The following MYH1 variants were observed in gnomAD, a reference collection of about 807,000 sequenced individuals.
The protein encoded by MYH1 is myosin heavy chain 1.
A neutral mutation model predicts 225.6 loss-of-function variants in MYH1; 214 were observed. The ratio of observed to expected loss-of-function variants is 0.95; its 90% CI spans 0.85 to 1.06. MYH1 has a LOEUF of 1.06. Among genes scored for constraint, MYH1 ranks in the 50% least tolerant of loss-of-function variants. The probability of loss-of-function intolerance (pLI) is 0.00; values close to 1 mark genes in which losing one functional copy is unlikely to be tolerated. For missense variants in MYH1, 2,098 were observed against 2,344.2 expected (o/e 0.89, Z 2.17); for synonymous variants, 774 against 842.3 (o/e 0.92, Z 1.40).
At position 10,504,844 on chromosome 17, in the gene MYH1, T is replaced by C; in HGVS notation, c.2657A>G (p.Gln886Arg). The change falls in exon 22 of 40, where the codon CAA becomes CGA. Residue 886 changes from glutamine (Q) to arginine (R), a missense_variant. By Grantham distance (43) the Gln-to-Arg change is conservative. Transcript: ENST00000226207. ...CTGGAGTTGCAAGTCATTTTTTTCT[T>C]GCATCAGAGTAACCATTTTTTCTTC... is the stretch of plus-strand genomic sequence containing the variant. ...ELEEKMVTLM[Q>R]EKNDLQLQVQ... 1 of 1,614,076 alleles carries C rather than the reference T, an allele frequency of 6.2e-7. No individual in the cohort carries two copies. The highest frequency in any genetic ancestry group is 1.1e-5 in the South Asian group (1 of 91,058).
At chr17:10,497,997 A>G (rs376395621) in intron 30 of MYH1, 80 bp from the exon 31 acceptor site, 36 of 1,316,760 alleles carry the variant, frequency 2.7e-5, no homozygotes, top group African/African-American at 1.8e-4. Context: ...AGTGAATTCC[A>G]CAATCAGACT....
chr17:10,496,343 C>T lies in MYH1; in HGVS notation c.4863G>A (p.Lys1621=), dbSNP rs146890530. 6.2e-4 allele frequency: 1,004 copies of T among 1,614,076 alleles called. No individual in the cohort carries two copies. The highest frequency in any genetic ancestry group is 2.6e-3 in the Middle Eastern group (16 of 6,062). Residue 1621 remains lysine, a synonymous_variant, in exon 34 of 40, where the codon AAG becomes AAA. Transcript: ENST00000226207. The stretch of plus-strand genomic sequence containing the variant: ...CCATTTCATTGAGGTCTCCCTCCAT[C>T]TTCTTCTTGAGCCTAATGGCATCAT... The part of the protein sequence containing the change: ...SRNDAIRLKK[K]MEGDLNEMEI...
At position 10,516,201 on chromosome 17, in the gene MYH1, A is replaced by G; in HGVS notation, c.346T>C (p.Tyr116His). 1 of 1,614,206 alleles carries G rather than the reference A, an allele frequency of 6.2e-7. No homozygotes were observed. The highest frequency in any genetic ancestry group is 8.5e-7 in the Non-Finnish European group (1 of 1,180,032). The change falls in exon 4 of 40, where the codon TAC (tyrosine) becomes CAC (histidine). Residue 116 changes from tyrosine (Y) to histidine (H), a missense_variant and splice_region_variant. Transcript: ENST00000226207. ...GAAGACCGTGAGAAAGAACTCACGT[A>G]GATCATCCAGGCTGCGTAGCGCTCT... ...LKERYAAWMI[Y>H]TYSGLFCVTV... is the part of the protein sequence containing the mutation.
intron 23 of MYH1, 24 bp from the exon 24 acceptor site, chr17:10,502,938 T>C (rs1387406557): frequency 6.2e-7 from 1 of 1,614,186 alleles, no homozygotes; most frequent in Admixed American, 1.7e-5. Context: ...GAAAGCAGCT[T>C]AGTTGCTCTA....
Position 10,498,787 on chromosome 17 carries a change from G to A in MYH1, c.4020C>T (p.Ser1340=), listed in dbSNP as rs2073022534. The A allele has an allele frequency of 6.2e-7, 1 of 1,614,090 alleles. No individual in the cohort carries two copies. The highest frequency in any genetic ancestry group is 8.5e-7 in the Non-Finnish European group (1 of 1,180,030). Residue 1340 remains serine (S), a synonymous_variant, in exon 30 of 40, where the codon TCC becomes TCT. Coordinates refer to ENST00000226207, the MANE Select transcript of MYH1 (RefSeq NM_005963.4). ...CCCGCAGCAGGTCACAGTCATGGCG[G>A]GAGGACTGCAGGGCATGTGCCAGGG... ...KSALAHALQS[S]RHDCDLLREQ... is the part of the protein sequence containing the mutation.
At chr17:10,510,412 T>A (rs1205135998) in intron 14 of MYH1, among the ~76,000 whole-genome samples, 1 of 152,138 alleles carries the variant, frequency 6.6e-6, no homozygotes, top group Non-Finnish European at 1.5e-5. Flanking sequence ...ATTTGCTCAT[T>A]TCATGGGTGA....
chr17:10,514,866 A>T lies in MYH1; in HGVS notation c.533+2T>A. 1 of 1,611,778 alleles carries T rather than the reference A, an allele frequency of 6.2e-7. No individual in the cohort carries two copies. Among genetic ancestry groups the T allele is most frequent in the Non-Finnish European group, 8.5e-7 (1 of 1,178,504 alleles). ...AATAAATCTCAGAATAGGAATACAT[A>T]CGTGATCAAGATAGACTGATTCTCC... On this transcript the variant is annotated splice_donor_variant, in intron 6 of 39. Transcript: ENST00000226207. LOFTEE classifies it high-confidence loss of function.
chr17:10,495,766 A>AAAAAAAAAAAAAAAAAAAAAAAAT, intron 35 of MYH1, among the ~76,000 whole-genome samples, 184 bp downstream of exon 35: 1 of 149,196 alleles, frequency 6.7e-6, no homozygotes, highest in Non-Finnish European at 1.5e-5. Context: ...GTCTCAAAAA[A>AAAAAAAAAAAAAAAAAAAAAAAAT]AAAAAAAAAA....
In MYH1 at chr17:10,509,659, AATGAG is replaced by A. The variant is rs1175331603; in HGVS notation, c.1417-9_1417-5del. 4.3e-6 allele frequency: 7 copies of A among 1,614,094 alleles called. No individual in the cohort carries two copies. Among genetic ancestry groups the A allele is most frequent in the Non-Finnish European group, 5.9e-6 (7 of 1,180,052 alleles). ...ACAGCTGCTCCAGGCTGTTGAACTA[AATGAG>A]TTGAAAATACAAATTAGCATTCAAT... is the stretch of plus-strand genomic sequence containing the variant. On this transcript the variant is annotated splice_polypyrimidine_tract_variant and splice_region_variant and intron_variant, in intron 14 of 39. Coordinates refer to ENST00000226207, the MANE Select transcript of MYH1 (RefSeq NM_005963.4).
chr17:10,512,116 C>G lies in MYH1; in HGVS notation c.1224G>C (p.Lys408Asn). 1 of 1,614,170 alleles carries G rather than the reference C, an allele frequency of 6.2e-7. No homozygotes were observed. The highest frequency in any genetic ancestry group is 8.5e-7 in the Non-Finnish European group (1 of 1,180,024). Residue 408 changes from lysine (K) to asparagine (N), a missense_variant, in exon 13 of 40, where the codon AAG becomes AAC. Transcript: ENST00000226207. ...LLKALCYPRV[K>N]VGNEYVTKGQ... ...CTTTGGTGACATACTCATTGCCGAC[C>G]TTGACCCTAGGGTAGCAGAGGGCTT...
intron 8 of MYH1, 42 bp downstream of exon 8, chr17:10,513,779 A>T: frequency 6.2e-7 from 1 of 1,613,030 alleles, no homozygotes; most frequent in Non-Finnish European, 8.5e-7. Flanking sequence ...TTTCTCTGGC[A>T]TCTAAAGGCA....
chr17:10,512,369 T>C (rs750570690), intron 12 of MYH1, 39 bp downstream of exon 12: 1 of 1,614,072 alleles, frequency 6.2e-7, no homozygotes. Context: ...TTTTTGCCTA[T>C]ATTCTCTCAT....
chr17:10,497,255 T>C (rs771707352), intron 32 of MYH1, 32 bp downstream of exon 32: 3 of 1,591,480 alleles, frequency 1.9e-6, no homozygotes, highest in Non-Finnish European at 2.6e-6. Flanking sequence ...TTCAAATCTT[T>C]TATTGTTAAA....
Position 10,496,062 on chromosome 17 carries a change from T to C in MYH1, c.5057A>G (p.Gln1686Arg). 1.2e-6 allele frequency: 2 copies of C among 1,614,180 alleles called. No homozygotes were observed. Among genetic ancestry groups the C allele is most frequent in the Non-Finnish European group, 1.7e-6 (2 of 1,180,026 alleles). The stretch of plus-strand genomic sequence containing the variant: ...GGCCCGCAGCTCCTCGATCTCAGCC[T>C]GCAGCAGGTTGGCTCTGCGCTCCAC... ...AMVERRANLL[Q>R]AEIEELRATL... The change falls in exon 35 of 40, where the codon CAG (glutamine) becomes CGG (arginine). Residue 1686 changes from glutamine to arginine, a missense_variant. By Grantham distance (43) the Gln-to-Arg change is conservative. Coordinates refer to ENST00000226207, the MANE Select transcript of MYH1 (RefSeq NM_005963.4).
Position 10,501,508 on chromosome 17 carries a change from G to T in MYH1, c.3349-9C>A. On this transcript the variant is annotated splice_polypyrimidine_tract_variant and intron_variant, in intron 26 of 39. Transcript: ENST00000226207. ...AGCTCCTCAATGCGGGCCTGGGAAT[G>T]GTGAAAAATATTAATACGAACTCAA... The T allele has an allele frequency of 6.2e-7, 1 of 1,614,182 alleles. No homozygotes were observed. Among genetic ancestry groups the T allele is most frequent in the Non-Finnish European group, 8.5e-7 (1 of 1,180,038 alleles).
Position 10,510,949 on chromosome 17 carries a change from C to CA in MYH1, c.1416+889dup, listed in dbSNP as rs879854960. Among the ~76,000 whole-genome samples the CA allele has an allele frequency of 4.1e-3, 561 of 136,826 alleles. 2 individuals carry two copies. The highest frequency in any genetic ancestry group is 0.011 in the Middle Eastern group (3 of 270). The allele number at this position is 136,826 out of a possible 152,430, so 89.8% of individuals were successfully genotyped here. A position where few individuals can be genotyped will look rare whatever the true frequency, so the allele number is the denominator to read the frequency against. ...TTATATCTCGATAAAGCTGTTACTTCAAAAAAAAAAAAAGAAGCAGCTCAA... is the reference window on the plus strand; with the variant it reads ...TTATATCTCGATAAAGCTGTTACTTCAAAAAAAAAAAAAAGAAGCAGCTCAA... On this transcript the variant is annotated intron_variant, in intron 14 of 39. Coordinates refer to ENST00000226207, the MANE Select transcript of MYH1 (RefSeq NM_005963.4).
rs1004813701 is a variant in MYH1 at position 10,496,473 on chromosome 17, C to T, written c.4733G>A (p.Arg1578Lys). 4 of 1,613,944 alleles carry T rather than the reference C, an allele frequency of 2.5e-6. No homozygotes were observed. Among genetic ancestry groups the T allele is most frequent in the Non-Finnish European group, 1.7e-6 (2 of 1,180,020 alleles). ...ELNQVKSEVD[R>K]KIAEKDEEID... ...TTCCTCATCTTTTTCAGCAATTTTCCTATCAACCTCAGACTTGACTTGGTT... is the reference window on the plus strand; with the variant it reads ...TTCCTCATCTTTTTCAGCAATTTTCTTATCAACCTCAGACTTGACTTGGTT... The change falls in exon 34 of 40, where the codon AGG becomes AAG. Residue 1578 changes from arginine (R) to lysine (K), a missense_variant. Arg to Lys is a conservative substitution (Grantham distance 26). Transcript: ENST00000226207.
chr17:10,508,387 C>T lies in MYH1; in HGVS notation c.1873G>A (p.Val625Ile), dbSNP rs914683930. The T allele has an allele frequency of 6.2e-7, 1 of 1,606,882 alleles. No individual in the cohort carries two copies. Among genetic ancestry groups the T allele is most frequent in the Non-Finnish European group, 8.5e-7 (1 of 1,176,390 alleles). Residue 625 changes from valine to isoleucine, a missense_variant, in exon 16 of 40, where the codon GTT becomes ATT. Physicochemically the swap from Val to Ile is conservative, Grantham distance 29. Transcript: ENST00000226207. ...CCTGCTTCCGCTCCCGTTGCCCCAA[C>T]AAAGAGGAGAGCCAGAGTCTTCATT... ...SAMKTLALLF[V>I]GATGAEAEAG...
Position 10,497,806 on chromosome 17 carries a change from G to A in MYH1, c.4293C>T (p.Asp1431=). 6.2e-7 allele frequency: 1 copy of A among 1,614,142 alleles called. No individual in the cohort carries two copies. Among genetic ancestry groups the A allele is most frequent in the East Asian group, 2.2e-5 (1 of 44,882 alleles). ...TKQRLQNEVE[D]LMIDVERTNA... Reference sequence around the variant, plus strand: ...TTGTCCTCTCAACATCAATCATGAGGTCCTCAACTTCATTCTGGAGCCTCT... The same window carrying A: ...TTGTCCTCTCAACATCAATCATGAGATCCTCAACTTCATTCTGGAGCCTCT... Residue 1431 remains aspartate, a synonymous_variant, in exon 31 of 40, where the codon GAC becomes GAT. Transcript: ENST00000226207.
Sources: gnomAD v4.1 joint callset for allele counts (sites outside exome capture counted in the v4.1 genomes callset) on GRCh38, gnomAD v4.1.1 for gene constraint, MANE v1.5 for transcripts, NCBI Gene and HGNC (gene_info 2026-07-23, HGNC 2026-07-21) for gene names.